Variants in ZNF280D observed in about 807,000 individuals in gnomAD.
ZNF280D encodes zinc finger protein 280D.
In ZNF280D, 39 loss-of-function variants were observed where a neutral mutation model predicts 94.7. The observed-to-expected ratio is 0.41, with a 90% CI of 0.32 to 0.54. The LOEUF (loss-of-function observed/expected upper bound fraction) is 0.54, where lower values mean the gene tolerates loss of function less well. Ranked by LOEUF, ZNF280D falls within the 20% of genes least tolerant of loss-of-function variation. ZNF280D has a pLI of 0.22. For missense variants in ZNF280D, 1,090 were observed against 1,149.3 expected, an observed-to-expected ratio of 0.95 and a Z score of 0.75; for synonymous variants, 398 against 377.6, an observed-to-expected ratio of 1.05 and a Z score of -0.63.
intron 21 of ZNF280D, chr15:56,634,177 T>C (rs1248984251): frequency 1.3e-5 from 2 of 152,294 alleles, no homozygotes; most frequent in Admixed American, 6.5e-5. Context: ...CATATGTTAG[T>C]GGTAGAAAGA....
chr15:56,630,278 A>G lies in ZNF280D; in HGVS notation c.*1220T>C, dbSNP rs2052027842. On this transcript the variant is annotated 3_prime_UTR_variant, in exon 22 of 22. Coordinates refer to ENST00000267807, the MANE Select transcript of ZNF280D (RefSeq NM_017661.4). ...AAAACATTGAACATTCAGTGAAACAAAATTTAAGAATCCAAAGCACATTTT... is the reference window on the plus strand; with the variant it reads ...AAAACATTGAACATTCAGTGAAACAGAATTTAAGAATCCAAAGCACATTTT... 6.6e-6 allele frequency: 1 copy of G among 152,170 alleles called. No homozygotes were observed. Among genetic ancestry groups the G allele is most frequent in the Admixed American group, 6.6e-5 (1 of 15,266 alleles). The allele number at this position is 152,170 out of a possible 1,614,324, so 9.4% of individuals were successfully genotyped here. A position where few individuals can be genotyped will look rare whatever the true frequency, so the allele number is the denominator to read the frequency against.
intron 1 of ZNF280D, chr15:56,725,000 G>A: frequency 5.5e-6 from 2 of 362,132 alleles, no homozygotes; most frequent in South Asian, 2.1e-5. Context: ...CCTTGAATAG[G>A]AAAAGCAGAG....
chr15:56,643,299 C>A (rs2052720345), intron 19 of ZNF280D, among the ~76,000 whole-genome samples: 1 of 151,684 alleles, frequency 6.6e-6, no homozygotes, highest in South Asian at 2.1e-4. Context: ...AAAAGACATA[C>A]ACATTAGTAA....
At chr15:56,649,647 G>T (rs1258190563) in intron 19 of ZNF280D, among the ~76,000 whole-genome samples, 3 of 151,114 alleles carry the variant, frequency 2.0e-5, no homozygotes, top group Non-Finnish European at 3.0e-5. Context: ...ATGAAATGAA[G>T]TCTCCCAACA....
chr15:56,656,624 G>C (rs1440486236), intron 17 of ZNF280D, among the ~76,000 whole-genome samples: 5 of 152,102 alleles, frequency 3.3e-5, no homozygotes, highest in African/African-American at 1.2e-4. Flanking sequence ...CTCTCCCTGT[G>C]AGCTACTAGT....
intron 19 of ZNF280D, among the ~76,000 whole-genome samples, chr15:56,651,128 C>T (rs1476750896): frequency 4.6e-5 from 7 of 152,176 alleles, no homozygotes; most frequent in Non-Finnish European, 7.3e-5. Flanking sequence ...AAAGTAGATG[C>T]TCAATAAATA....
rs2057826524 is a variant in ZNF280D, at chr15:56,712,646, T to C, written c.-85-5340A>G. 2.0e-5 allele frequency among the ~76,000 whole-genome samples: 3 copies of C among 148,956 alleles called. No individual in the cohort carries two copies. The South Asian group carries it at 6.4e-4, about 32-fold the overall frequency. ...GAAAGAAAAGAAAAAACACTCATTC[T>C]ACATGTATCTTAGTATTTTATTTTC... On this transcript the variant is annotated intron_variant, in intron 1 of 21. Transcript: ENST00000267807.
At chr15:56,700,122 C>G in intron 6 of ZNF280D, 2 of 913,658 alleles carry the variant, frequency 2.2e-6, no homozygotes, top group Non-Finnish European at 2.6e-6. Flanking sequence ...CAGGGGATTG[C>G]AAACTACAAT....
intron 1 of ZNF280D, among the ~76,000 whole-genome samples, chr15:56,716,740 A>G (rs1323366656): frequency 6.6e-6 from 1 of 152,144 alleles, no homozygotes. Context: ...ACCCTATTCT[A>G]TACTAATCAA....
At chr15:56,666,065 G>A (rs1373758770) in intron 16 of ZNF280D, among the ~76,000 whole-genome samples, 1 of 151,782 alleles carries the variant, frequency 6.6e-6, no homozygotes, top group Admixed American at 6.6e-5. Flanking sequence ...GATCCTGGGA[G>A]GCAGAGGTTT....
In ZNF280D at chr15:56,698,244, T is replaced by C. The variant is rs566235005; in HGVS notation, c.381+2689A>G. 11 of 152,282 alleles carry C rather than the reference T, an allele frequency of 7.2e-5. No individual in the cohort carries two copies. The East Asian group carries it at 1.7e-3, about 24-fold the overall frequency. The allele number at this position is 152,282 out of a possible 1,614,324, so 9.4% of individuals were successfully genotyped here. On this transcript the variant is annotated intron_variant, in intron 6 of 21. Coordinates refer to ENST00000267807, the MANE Select transcript of ZNF280D (RefSeq NM_017661.4). ...GTATATATACTAGTTATGTGGAAAATACTAGTTTCACTGAATTACACAGGT... is the reference window on the plus strand; with the variant it reads ...GTATATATACTAGTTATGTGGAAAACACTAGTTTCACTGAATTACACAGGT...
At chr15:56,663,575 C>G (rs1475635853) in intron 16 of ZNF280D, among the ~76,000 whole-genome samples, 1 of 152,040 alleles carries the variant, frequency 6.6e-6, no homozygotes, top group Admixed American at 6.6e-5. Flanking sequence ...AGCAAGGGTA[C>G]CACTGAGGTT....
intron 13 of ZNF280D, among the ~76,000 whole-genome samples, chr15:56,675,665 A>G (rs1252498830): frequency 6.6e-6 from 1 of 152,020 alleles, no homozygotes; most frequent in Non-Finnish European, 1.5e-5. Flanking sequence ...AACACATATG[A>G]TCCCAAATTG....
At chr15:56,690,177 T>C (rs1454705143) in intron 7 of ZNF280D, among the ~76,000 whole-genome samples, 6 of 152,066 alleles carry the variant, frequency 3.9e-5, no homozygotes, top group East Asian at 1.9e-4. Context: ...GGTCAGGAGA[T>C]AGAGACCAGC....
At position 56,666,724 on chromosome 15, in the gene ZNF280D, C is replaced by T. The variant is rs143046400; in HGVS notation, c.1808G>A (p.Ser603Asn). Residue 603 changes from serine (S) to asparagine (N), a missense_variant, in exon 15 of 22, where the codon AGT becomes AAT. By Grantham distance (46) the Ser-to-Asn change is conservative (BLOSUM62 1). This residue lies in a region of ZNF280D where 577 missense variants were observed against 568.8 expected (regional missense o/e 1.01). Coordinates refer to ENST00000267807, the MANE Select transcript of ZNF280D (RefSeq NM_017661.4). The stretch of plus-strand genomic sequence containing the variant: ...ATTGACTTTACTTTTTTTATTGCTA[C>T]TAGCCAATGTGCTTTGTTTCTTTTG... ...NMQKKQSTLA[S>N]SNKKSKVNTA... The T allele has an allele frequency of 3.4e-3, 5,477 of 1,612,314 alleles. 12 individuals are homozygous for T. Among genetic ancestry groups the T allele is most frequent in the Non-Finnish European group, 4.1e-3 (4,873 of 1,179,472 alleles).
At chr15:56,673,467 G>A (rs865987518) in intron 13 of ZNF280D, among the ~76,000 whole-genome samples, 2 of 151,932 alleles carry the variant, frequency 1.3e-5, no homozygotes, top group Non-Finnish European at 2.9e-5. Flanking sequence ...CTCGTTCAAC[G>A]ATTGCTACCA....
At chr15:56,649,823 T>C (rs1321688416) in intron 19 of ZNF280D, among the ~76,000 whole-genome samples, 1 of 152,004 alleles carries the variant, frequency 6.6e-6, no homozygotes, top group East Asian at 1.9e-4. Context: ...ACAGAAATAA[T>C]ATTTTAAAAT....
chr15:56,708,298 T>C (rs1462058809), intron 1 of ZNF280D, among the ~76,000 whole-genome samples: 4 of 152,204 alleles, frequency 2.6e-5, no homozygotes, highest in Non-Finnish European at 5.9e-5. Context: ...CTCTAGCGAA[T>C]CTTGTGCTTA....
At chr15:56,731,508 A>AAAAAAAAAAAAAAAAAAAAAAAAAC (rs2058887432) in intron 1 of ZNF280D, among the ~76,000 whole-genome samples, 1 of 144,572 alleles carries the variant, frequency 6.9e-6, no homozygotes, top group Non-Finnish European at 1.5e-5. Context: ...ACCTATCTCA[A>AAAAAAAAAAAAAAAAAAAAAAAAAC]AAAAAAAAAA....
Sources: allele counts gnomAD v4.1 joint callset (sites outside exome capture counted in the v4.1 genomes callset), GRCh38; gene constraint gnomAD v4.1.1; regional missense constraint gnomAD v4.1.1; transcripts MANE v1.5; gene names NCBI Gene and HGNC (gene_info 2026-07-23, HGNC 2026-07-21).